The following TBL1X variants were observed in gnomAD, a reference collection of about 807,000 sequenced individuals.
TBL1X encodes the protein F-box-like/WD repeat-containing protein TBL1X.
Under a neutral mutation model 50.7 loss-of-function variants are expected in TBL1X, and 10 were observed. The observed-to-expected ratio is 0.20, with a 90% confidence interval of 0.12 to 0.33. The LOEUF (loss-of-function observed/expected upper bound fraction) is 0.33. Ranked by LOEUF, TBL1X falls within the 10% of genes least tolerant of loss-of-function variation. The pLI is 1.00. For missense variants in TBL1X, 340 were observed against 504.4 expected (o/e 0.67, Z 3.12); for synonymous variants, 190 against 214.7 (o/e 0.88, Z 1.01).
chrX:9,595,010 C>A (rs948373042), intron 2 of TBL1X, among the ~76,000 whole-genome samples: 1 of 111,928 alleles, frequency 8.9e-6, no homozygotes, highest in Non-Finnish European at 1.9e-5. Context: ...TCATTTTCCC[C>A]GCTGGGTCAA....
intron 2 of TBL1X, among the ~76,000 whole-genome samples, chrX:9,634,812 C>G (rs1428852496): frequency 9.0e-6 from 1 of 111,707 alleles, no homozygotes; most frequent in African/African-American, 3.3e-5. Context: ...CTCTAAAACT[C>G]CAGTCGATTG....
chrX:9,530,594 G>C (rs2082155167), intron 2 of TBL1X, among the ~76,000 whole-genome samples: 1 of 111,956 alleles, frequency 8.9e-6, no homozygotes, highest in Non-Finnish European at 1.9e-5. Flanking sequence ...AAAAAGCCCT[G>C]CATGTTTCCT....
chrX:9,473,584 G>A (rs912178403), intron 1 of TBL1X, among the ~76,000 whole-genome samples: 1 of 112,025 alleles, frequency 8.9e-6, no homozygotes, highest in African/African-American at 3.2e-5. Context: ...TAGAAAAGAT[G>A]CTTTCTTATT....
chrX:9,567,823 C>T (rs1376022389), intron 2 of TBL1X, among the ~76,000 whole-genome samples: 1 of 112,223 alleles, frequency 8.9e-6, no homozygotes, highest in African/African-American at 3.2e-5. Context: ...TCTTCCTCCT[C>T]GCCTGAGTTC....
chrX:9,534,461 G>A (rs143933363), intron 2 of TBL1X, among the ~76,000 whole-genome samples: 31 of 93,298 alleles, frequency 3.3e-4, no homozygotes, highest in African/African-American at 1.3e-3. Flanking sequence ...AGATGCACCT[G>A]TTCTTAGCTA....
chrX:9,535,821 A>G (rs967005186), intron 2 of TBL1X, among the ~76,000 whole-genome samples: 2 of 112,294 alleles, frequency 1.8e-5, no homozygotes, highest in African/African-American at 6.5e-5. Context: ...ATTAGTGTGC[A>G]TACGAGGAAC....
chrX:9,561,154 G>A (rs941219895), intron 2 of TBL1X, among the ~76,000 whole-genome samples: 4 of 109,662 alleles, frequency 3.6e-5, no homozygotes, highest in Non-Finnish European at 7.6e-5. Context: ...ACCCCACCCC[G>A]ACCCCCCACA....
chrX:9,674,806 C>T (rs1444749504), intron 5 of TBL1X, among the ~76,000 whole-genome samples: 1 of 107,564 alleles, frequency 9.3e-6, no homozygotes, highest in Non-Finnish European at 1.9e-5. Context: ...TGTTGAACCC[C>T]TGGCTTCAAA....
intron 2 of TBL1X, among the ~76,000 whole-genome samples, chrX:9,526,878 G>T (rs1410812819): frequency 8.9e-6 from 1 of 111,786 alleles, no homozygotes; most frequent in African/African-American, 3.3e-5. Flanking sequence ...GACTTGTGGG[G>T]AGGCAGATAC....
At chrX:9,671,086 G>C (rs969458387) in intron 5 of TBL1X, among the ~76,000 whole-genome samples, 1 of 111,976 alleles carries the variant, frequency 8.9e-6, no homozygotes, top group African/African-American at 3.2e-5. Flanking sequence ...CATTTTGCTG[G>C]TATGTTGGGA....
chrX:9,612,192 C>T (rs1457127891), intron 2 of TBL1X, among the ~76,000 whole-genome samples: 6 of 111,538 alleles, frequency 5.4e-5, no homozygotes, highest in Non-Finnish European at 7.5e-5. Flanking sequence ...TCACACTGGT[C>T]GGGGAGGGGG....
At chrX:9,604,401 T>TCC (rs3216374) in intron 2 of TBL1X, among the ~76,000 whole-genome samples, 2 of 108,657 alleles carry the variant, frequency 1.8e-5, no homozygotes, top group African/African-American at 6.8e-5. Flanking sequence ...TATTTCACTT[T>TCC]CCCCCCCTTT....
chrX:9,590,221 G>C (rs768063547), intron 2 of TBL1X, among the ~76,000 whole-genome samples: 3 of 111,634 alleles, frequency 2.7e-5, no homozygotes, highest in African/African-American at 9.8e-5. Context: ...GTGCTGTGCC[G>C]GGTCTTAACT....
At chrX:9,469,807 ATCTGC>A (rs1242769967) in intron 1 of TBL1X, among the ~76,000 whole-genome samples, 1 of 110,915 alleles carries the variant, frequency 9.0e-6, no homozygotes, top group Non-Finnish European at 1.9e-5. Context: ...GCACCCAGCC[ATCTGC>A]TCTGCTCTGG....
At chrX:9,675,527 G>T (rs1243818517) in intron 5 of TBL1X, among the ~76,000 whole-genome samples, 2 of 111,671 alleles carry the variant, frequency 1.8e-5, no homozygotes, top group African/African-American at 6.5e-5. Context: ...AATGCTTATA[G>T]TGTGCTAGGT....
At position 9,501,832 on chromosome X, in the gene TBL1X, C is replaced by G. The variant is rs945446040; in HGVS notation, c.-148C>G. ...ACCATATCAGATGCCTCGCAGAGCACCAGGCCCACCGTGAAAGGTACAGCA... is the reference window on the plus strand; with the variant it reads ...ACCATATCAGATGCCTCGCAGAGCAGCAGGCCCACCGTGAAAGGTACAGCA... On this transcript the variant is annotated 5_prime_UTR_variant, in exon 2 of 18. Coordinates refer to ENST00000645353, the MANE Select transcript of TBL1X (RefSeq NM_005647.4). 1.8e-5 allele frequency: 2 copies of G among 111,505 alleles called. No individual in the cohort carries two copies. Among genetic ancestry groups the G allele is most frequent in the African/African-American group, 6.5e-5 (2 of 30,642 alleles). 9.2% of individuals were successfully genotyped at this position (111,505 alleles called of 1,213,427 possible).
At chrX:9,678,099 A>G (rs1221424321) in intron 5 of TBL1X, among the ~76,000 whole-genome samples, 4 of 112,021 alleles carry the variant, frequency 3.6e-5, no homozygotes, top group African/African-American at 1.3e-4. Flanking sequence ...GCTGAAGTAA[A>G]GTGTGTTTGT....
At chrX:9,614,015 G>C (rs868803087) in intron 2 of TBL1X, among the ~76,000 whole-genome samples, 2 of 103,455 alleles carry the variant, frequency 1.9e-5, no homozygotes, top group Admixed American at 1.0e-4. Flanking sequence ...AAAAGAAAAA[G>C]AAAACTAATT....
Position 9,716,904 on chromosome X carries a change from T to A in TBL1X, c.*658T>A, listed in dbSNP as rs1343768995. 1 of 110,502 alleles carries A rather than the reference T, an allele frequency of 9.0e-6. No homozygotes were observed. Among genetic ancestry groups the A allele is most frequent in the Non-Finnish European group, 1.9e-5 (1 of 52,948 alleles). The allele number at this position is 110,502 out of a possible 1,213,427, so 9.1% of individuals were successfully genotyped here. On this transcript the variant is annotated 3_prime_UTR_variant, in exon 18 of 18. Coordinates refer to ENST00000645353, the MANE Select transcript of TBL1X (RefSeq NM_005647.4). ...TCTTCCTTCTGTTGCTCCCTGCCCCTCCCCCTGCCTTTCCACTCTGTCTGG... is the reference window on the plus strand; with the variant it reads ...TCTTCCTTCTGTTGCTCCCTGCCCCACCCCCTGCCTTTCCACTCTGTCTGG...
Sources: allele counts gnomAD v4.1 joint callset (sites outside exome capture counted in the v4.1 genomes callset), GRCh38; gene constraint gnomAD v4.1.1; transcripts MANE v1.5; gene names NCBI Gene and HGNC (gene_info 2026-07-23, HGNC 2026-07-21).